RNF220: variants seen among roughly 807,000 people sequenced by gnomAD.
RNF220 encodes the protein E3 ubiquitin-protein ligase RNF220.
In RNF220, 7 loss-of-function variants were observed where a neutral mutation model predicts 67.1. That is an observed-to-expected ratio of 0.10 (90% CI 0.06 to 0.20). The LOEUF is 0.20. Ranked by LOEUF, RNF220 falls within the 10% of genes least tolerant of loss-of-function variation. The pLI is 1.00. For missense variants in RNF220, 565 were observed against 740.3 expected (o/e 0.76, Z 2.75); for synonymous variants, 270 against 283.2 (o/e 0.95, Z 0.47).
intron 2 of RNF220, among the ~76,000 whole-genome samples, chr1:44,548,270 C>T (rs1417689154): frequency 6.6e-6 from 1 of 152,190 alleles, no homozygotes; most frequent in African/African-American, 2.4e-5. Context: ...TTTCTCCCTG[C>T]CGTCCATCCT....
chr1:44,506,028 T>C (rs183967427), intron 2 of RNF220, among the ~76,000 whole-genome samples: 196 of 152,184 alleles, frequency 1.3e-3, no homozygotes, highest in African/African-American at 4.5e-3. Flanking sequence ...AATAGAGCAC[T>C]CCTATTCCTT....
At position 44,459,546 on chromosome 1, in the gene RNF220, C is replaced by T. The variant is rs114776319; in HGVS notation, c.625+46824C>T. On this transcript the variant is annotated intron_variant, in intron 2 of 14. Coordinates refer to ENST00000361799, the MANE Select transcript of RNF220 (RefSeq NM_018150.4). The stretch of plus-strand genomic sequence containing the variant: ...AGTAGTCAGACACAAAATCTGAAAC[C>T]CAGGAGACGAAGTAAGGGTAGATAA... 6.2e-3 allele frequency among the ~76,000 whole-genome samples: 941 copies of T among 151,108 alleles called. 11 individuals are homozygous for T. Among genetic ancestry groups the T allele is most frequent in the African/African-American group, 0.022 (890 of 41,118 alleles).
intron 1 of RNF220, among the ~76,000 whole-genome samples, chr1:44,407,188 G>C (rs1053109426): frequency 3.3e-5 from 5 of 152,164 alleles, no homozygotes; most frequent in African/African-American, 1.2e-4. Context: ...CCGCCGAGGG[G>C]GAGAGCACCG....
chr1:44,632,226 C>A, intron 5 of RNF220, 117 bp from the exon 6 acceptor site: 1 of 1,612,388 alleles, frequency 6.2e-7, no homozygotes, highest in East Asian at 2.2e-5. Context: ...TGTTTACGGG[C>A]TGTTTGGGGC....
chr1:44,623,070 T>G (rs1643862486), intron 4 of RNF220, among the ~76,000 whole-genome samples: 1 of 152,088 alleles, frequency 6.6e-6, no homozygotes, highest in African/African-American at 2.4e-5. Context: ...CTGGGAGATG[T>G]GGGTGACCCA....
In RNF220 at chr1:44,620,692, GT is replaced by G. The variant is rs376599382; in HGVS notation, c.759-2045del. The stretch of plus-strand genomic sequence containing the variant: ...TGTGATTAGACTGGCTGACAGCTCT[GT>G]TTTTACACTCAGACCTTGGCCTCAC... On this transcript the variant is annotated intron_variant, in intron 3 of 14. Transcript: ENST00000361799. Among the ~76,000 whole-genome samples, 22 of 152,278 alleles carry G rather than the reference GT, an allele frequency of 1.4e-4. No individual in the cohort carries two copies. The East Asian group carries it at 4.2e-3, about 29-fold the overall frequency.
chr1:44,636,017 C>G lies in RNF220; in HGVS notation c.994-13C>G. The G allele has an allele frequency of 6.2e-7, 1 of 1,614,176 alleles. No individual in the cohort carries two copies. The highest frequency in any genetic ancestry group is 8.5e-7 in the Non-Finnish European group (1 of 1,180,000). ...GGCCTGGGCCCAGCATGATCCTGCT[C>G]TGCTCTTCACAGAGGGAAGGCTCCT... On this transcript the variant is annotated splice_polypyrimidine_tract_variant and intron_variant, in intron 7 of 14. Coordinates refer to ENST00000361799, the MANE Select transcript of RNF220 (RefSeq NM_018150.4).
chr1:44,478,758 C>T (rs1655517138), intron 2 of RNF220, among the ~76,000 whole-genome samples: 1 of 152,028 alleles, frequency 6.6e-6, no homozygotes, highest in Non-Finnish European at 1.5e-5. Context: ...AATCAGAAAT[C>T]GCCAGTCCAT....
At chr1:44,406,970 C>G (rs1329807704) in intron 1 of RNF220, among the ~76,000 whole-genome samples, 1 of 152,204 alleles carries the variant, frequency 6.6e-6, no homozygotes, top group Non-Finnish European at 1.5e-5. Context: ...AGCCAGGAGG[C>G]AGGGGGAAAG....
rs539730691 is a variant in RNF220, at chr1:44,511,339, C to T, written c.625+98617C>T. 5.3e-5 allele frequency among the ~76,000 whole-genome samples: 8 copies of T among 151,868 alleles called. No individual in the cohort carries two copies. In the South Asian group the frequency reaches 6.2e-4, roughly 12 times the overall value. On this transcript the variant is annotated intron_variant, in intron 2 of 14. Coordinates refer to ENST00000361799, the MANE Select transcript of RNF220 (RefSeq NM_018150.4). ...AACCCTAGAGAGAAACTTTCACTAG[C>T]GAAGGGTTAAAGGGAATAAATATGT...
chr1:44,508,352 G>A (rs569490716), intron 2 of RNF220, among the ~76,000 whole-genome samples: 2 of 152,140 alleles, frequency 1.3e-5, no homozygotes, highest in South Asian at 2.1e-4. Context: ...TGGGCGAGTC[G>A]TGTGGGGTCA....
In RNF220 at chr1:44,470,821, C is replaced by T. The variant is rs529192890; in HGVS notation, c.625+58099C>T. On this transcript the variant is annotated intron_variant, in intron 2 of 14. Coordinates refer to ENST00000361799, the MANE Select transcript of RNF220 (RefSeq NM_018150.4). ...ATCCTCCTCATTTACTTTCCTATTTCTTCCCTTCCTATTATTTCAAAAGCT... is the reference window on the plus strand; with the variant it reads ...ATCCTCCTCATTTACTTTCCTATTTTTTCCCTTCCTATTATTTCAAAAGCT... Among the ~76,000 whole-genome samples, 8 of 152,346 alleles carry T rather than the reference C, an allele frequency of 5.3e-5. No homozygotes were observed. The South Asian group carries it at 1.7e-3, about 32-fold the overall frequency.
chr1:44,517,163 T>C (rs1028153535), intron 2 of RNF220, among the ~76,000 whole-genome samples: 6 of 152,116 alleles, frequency 3.9e-5, no homozygotes, highest in African/African-American at 1.2e-4. Flanking sequence ...GGAACTGTCT[T>C]CTATTTGATT....
At chr1:44,569,130 G>A (rs1407366732) in intron 2 of RNF220, among the ~76,000 whole-genome samples, 3 of 152,156 alleles carry the variant, frequency 2.0e-5, no homozygotes, top group African/African-American at 7.2e-5. Context: ...GGAAGCTAAA[G>A]AGAGGTTGTC....
At chr1:44,471,224 G>A (rs1452096581) in intron 2 of RNF220, among the ~76,000 whole-genome samples, 2 of 151,978 alleles carry the variant, frequency 1.3e-5, no homozygotes, top group Non-Finnish European at 2.9e-5. Flanking sequence ...TCAGGAGTTC[G>A]AGACCAGCCT....
chr1:44,597,283 G>A (rs567853187), intron 2 of RNF220, among the ~76,000 whole-genome samples: 2 of 152,212 alleles, frequency 1.3e-5, no homozygotes, highest in South Asian at 4.1e-4. Context: ...GTGAATGAAT[G>A]GATAAATAAA....
At chr1:44,462,956 G>A (rs528766547) in intron 2 of RNF220, among the ~76,000 whole-genome samples, 1 of 152,166 alleles carries the variant, frequency 6.6e-6, no homozygotes, top group South Asian at 2.1e-4. Context: ...GAACCCAGGA[G>A]GCGGAGCTTG....
intron 3 of RNF220, among the ~76,000 whole-genome samples, chr1:44,620,674 A>G (rs1643753201): frequency 6.6e-6 from 1 of 152,228 alleles, no homozygotes; most frequent in African/African-American, 2.4e-5. Flanking sequence ...CTGTGTGATT[A>G]GACTGGCTGA....
At chr1:44,431,676 TG>T (rs1459423528) in intron 2 of RNF220, among the ~76,000 whole-genome samples, 1 of 151,872 alleles carries the variant, frequency 6.6e-6, no homozygotes, top group African/African-American at 2.4e-5. Context: ...CACATAGGAG[TG>T]GGCAAGAAGA....
Sources: gnomAD v4.1 joint callset for allele counts (sites outside exome capture counted in the v4.1 genomes callset) on GRCh38, gnomAD v4.1.1 for gene constraint, MANE v1.5 for transcripts, NCBI Gene and HGNC (gene_info 2026-07-23, HGNC 2026-07-21) for gene names.